The following EEF1AKMT2 variants were observed in gnomAD, a reference collection of about 807,000 sequenced individuals.
The protein encoded by EEF1AKMT2 is eukaryotic translation elongation factor 1 alpha lysine methyltransferase 2.
In EEF1AKMT2, 32 loss-of-function variants were observed where a neutral mutation model predicts 35.8. The ratio of observed to expected loss-of-function variants is 0.89; its 90% CI spans 0.67 to 1.20. The LOEUF is 1.20. Ranked by LOEUF, EEF1AKMT2 falls within the 50% of genes most tolerant of loss-of-function variation. EEF1AKMT2 has a pLI of 0.00. For missense variants in EEF1AKMT2, 330 were observed against 347.5 expected, an observed-to-expected ratio of 0.95 and a Z score of 0.40; for synonymous variants, 121 against 133.7, an observed-to-expected ratio of 0.91 and a Z score of 0.65.
At chr10:124,778,299 T>C (rs1403742899) in intron 3 of EEF1AKMT2, among the ~76,000 whole-genome samples, 1 of 151,618 alleles carries the variant, frequency 6.6e-6, no homozygotes, top group Non-Finnish European at 1.5e-5. Flanking sequence ...GAAGAAAAAA[T>C]GGCATATGGC....
intron 3 of EEF1AKMT2, among the ~76,000 whole-genome samples, chr10:124,788,793 AG>A (rs1950611049): frequency 1.4e-5 from 2 of 147,814 alleles, no homozygotes; most frequent in Admixed American, 1.4e-4. Flanking sequence ...CCCTTAGGAA[AG>A]AACAGAAGCC....
chr10:124,775,107 C>T (rs530045176), intron 3 of EEF1AKMT2, among the ~76,000 whole-genome samples: 2 of 152,186 alleles, frequency 1.3e-5, no homozygotes, highest in South Asian at 4.1e-4. Context: ...TTCCAATTCA[C>T]ACATAAATTT....
intron 3 of EEF1AKMT2, among the ~76,000 whole-genome samples, chr10:124,785,756 C>A (rs1462749806): frequency 2.0e-5 from 3 of 151,932 alleles, no homozygotes; most frequent in Non-Finnish European, 4.4e-5. Context: ...ATTAGCCAGG[C>A]GTGCTGGCGC....
At chr10:124,789,796 A>G (rs1950618543) in intron 2 of EEF1AKMT2, among the ~76,000 whole-genome samples, 1 of 152,012 alleles carries the variant, frequency 6.6e-6, no homozygotes, top group Admixed American at 6.6e-5. Flanking sequence ...AAAAAAGAAT[A>G]AAAGAAGAGA....
Position 124,762,384 on chromosome 10 carries a change from A to G in EEF1AKMT2, c.791T>C (p.Leu264Pro). 7.8e-7 allele frequency: 1 copy of G among 1,285,454 alleles called. No homozygotes were observed. Among genetic ancestry groups the G allele is most frequent in the Non-Finnish European group, 1.0e-6 (1 of 974,694 alleles). 79.6% of individuals were successfully genotyped at this position (1,285,454 alleles called of 1,614,324 possible). The change falls in exon 6 of 7, where the codon CTG (leucine) becomes CCG (proline). Residue 264 changes from leucine (L) to proline (P), a missense_variant. By Grantham distance (98) the Leu-to-Pro change is moderately conservative. Transcript: ENST00000368836. ...AGAATCACTTGAGCCCAGGAGTTCC[A>G]GACCAGCCTGGACAACATGGCAAAA... ...TRFCHVVQAG[L>P]ELLGSSDSPT... is the part of the protein sequence containing the mutation.
chr10:124,790,781 T>C (rs1403270243), intron 1 of EEF1AKMT2, among the ~76,000 whole-genome samples: 1 of 152,098 alleles, frequency 6.6e-6, no homozygotes, highest in Non-Finnish European at 1.5e-5. Context: ...TTCTTCTTTT[T>C]TTGAGACGGA....
intron 2 of EEF1AKMT2, among the ~76,000 whole-genome samples, chr10:124,790,015 C>T (rs955048337): frequency 1.3e-5 from 2 of 151,960 alleles, no homozygotes; most frequent in African/African-American, 4.8e-5. Flanking sequence ...CCTCGGCCTC[C>T]CAAGTAGCTG....
chr10:124,780,452 T>G (rs915576252), intron 3 of EEF1AKMT2, among the ~76,000 whole-genome samples: 1 of 152,202 alleles, frequency 6.6e-6, no homozygotes, highest in Non-Finnish European at 1.5e-5. Context: ...AATTAAGACA[T>G]GTCAGCCAAT....
Position 124,759,539 on chromosome 10 carries a change from G to A in EEF1AKMT2, c.*964C>T, listed in dbSNP as rs1426599678. 2.0e-5 allele frequency: 3 copies of A among 152,220 alleles called. No homozygotes were observed. Among genetic ancestry groups the A allele is most frequent in the Non-Finnish European group, 4.4e-5 (3 of 68,046 alleles). 9.4% of individuals were successfully genotyped at this position (152,220 alleles called of 1,614,324 possible). On this transcript the variant is annotated 3_prime_UTR_variant, in exon 7 of 7. Coordinates refer to ENST00000368836, the MANE Select transcript of EEF1AKMT2 (RefSeq NM_212554.4). Reference sequence around the variant, plus strand: ...CTACAAAGGCAAAGACTAAGCACCTGTGAGGCAGAATATGCTAGGAGAAGA... The same window carrying A: ...CTACAAAGGCAAAGACTAAGCACCTATGAGGCAGAATATGCTAGGAGAAGA...
chr10:124,780,661 G>A lies in EEF1AKMT2; in HGVS notation c.292-5879C>T, dbSNP rs546453849. Among the ~76,000 whole-genome samples, 6 of 151,544 alleles carry A rather than the reference G, an allele frequency of 4.0e-5. No homozygotes were observed. The South Asian group carries it at 1.2e-3, about 32-fold the overall frequency. On this transcript the variant is annotated intron_variant, in intron 3 of 6. Coordinates refer to ENST00000368836, the MANE Select transcript of EEF1AKMT2 (RefSeq NM_212554.4). ...TGTGTATAGACTCCCAAAATGAAAG[G>A]AGAAAGACAGTAATACAGAAAAAAA... is the stretch of plus-strand genomic sequence containing the variant.
intron 3 of EEF1AKMT2, among the ~76,000 whole-genome samples, chr10:124,776,012 G>A (rs1950484391): frequency 6.6e-6 from 1 of 151,736 alleles, no homozygotes; most frequent in Non-Finnish European, 1.5e-5. Flanking sequence ...CTGCCTCCCG[G>A]GTTCACACCA....
At chr10:124,774,641 T>C (rs1279305551) in intron 4 of EEF1AKMT2, 34 bp downstream of exon 4, 5 of 1,097,358 alleles carry the variant, frequency 4.6e-6, no homozygotes, top group Non-Finnish European at 6.1e-6. Context: ...TTAACCTCTA[T>C]TGTAAATATT....
chr10:124,774,406 A>AAAG (rs1554918001), intron 4 of EEF1AKMT2, among the ~76,000 whole-genome samples: 829 of 48,506 alleles, frequency 0.017, 303 homozygotes, highest in South Asian at 0.042. Flanking sequence ...AAAAAAAAAA[A>AAAG]AAAACCCTTT....
At chr10:124,787,433 C>T (rs76376344) in intron 3 of EEF1AKMT2, among the ~76,000 whole-genome samples, 3 of 37,434 alleles carry the variant, frequency 8.0e-5, no homozygotes, top group Admixed American at 4.4e-4. Flanking sequence ...GACTCTGTCT[C>T]AAAAAAAAAA....
intron 3 of EEF1AKMT2, among the ~76,000 whole-genome samples, chr10:124,780,080 A>T (rs79360634): frequency 6.6e-6 from 1 of 152,296 alleles, no homozygotes. Context: ...CTCAAAAAAC[A>T]AAAAGAAACA....
At chr10:124,763,138 G>A (rs1314268175) in intron 5 of EEF1AKMT2, among the ~76,000 whole-genome samples, 1 of 152,154 alleles carries the variant, frequency 6.6e-6, no homozygotes, top group Non-Finnish European at 1.5e-5. Flanking sequence ...AACCTGAATA[G>A]ATTCAGAAAG....
At chr10:124,774,455 G>C (rs780952692) in intron 4 of EEF1AKMT2, among the ~76,000 whole-genome samples, 13 of 140,300 alleles carry the variant, frequency 9.3e-5, no homozygotes, top group Non-Finnish European at 1.7e-4. Context: ...ATGTGTATTT[G>C]CAAACATCAG....
chr10:124,782,940 T>C (rs1950555448), intron 3 of EEF1AKMT2: 2 of 426,584 alleles, frequency 4.7e-6, no homozygotes, highest in Non-Finnish European at 9.2e-6. Context: ...ATTGTTAGAA[T>C]AGATAAAAAT....
chr10:124,790,409 A>C, intron 1 of EEF1AKMT2, 71 bp from the exon 2 acceptor site: 1 of 1,070,470 alleles, frequency 9.3e-7, no homozygotes, highest in Non-Finnish European at 1.5e-6. Context: ...GTATGTTTCT[A>C]ATACATTACA....
Sources: gnomAD v4.1 joint callset for allele counts (sites outside exome capture counted in the v4.1 genomes callset) on GRCh38, gnomAD v4.1.1 for gene constraint, MANE v1.5 for transcripts, NCBI Gene and HGNC (gene_info 2026-07-23, HGNC 2026-07-21) for gene names.